Variants in STK39 observed in about 807,000 individuals in gnomAD.
The protein encoded by STK39 is serine/threonine kinase 39, also known as STE20/SPS1-related proline-alanine-rich protein kinase.
Under a neutral mutation model 77.8 loss-of-function variants are expected in STK39, and 20 were observed. The observed-to-expected ratio is 0.26, with a 90% CI of 0.18 to 0.37. The LOEUF (loss-of-function observed/expected upper bound fraction) is 0.37, where lower values mean the gene tolerates loss of function less well. Ranked by LOEUF, STK39 falls within the 10% of genes least tolerant of loss-of-function variation. The pLI is 1.00. For missense variants in STK39, 479 were observed against 656.5 expected (o/e 0.73, Z 2.95); for synonymous variants, 246 against 234.1 (o/e 1.05, Z -0.47).
intron 14 of STK39, among the ~76,000 whole-genome samples, chr2:168,045,366 C>T (rs1166863636): frequency 6.6e-6 from 1 of 152,036 alleles, no homozygotes; most frequent in African/African-American, 2.4e-5. Flanking sequence ...ACCCCCACAC[C>T]CCCTGCAGCA....
At chr2:167,983,437 A>AGGCTG (rs1473965303) in intron 16 of STK39, among the ~76,000 whole-genome samples, 13 of 144,912 alleles carry the variant, frequency 9.0e-5, no homozygotes, top group African/African-American at 2.6e-4. Context: ...CTGCGCAACA[A>AGGCTG]GAGTGAAACT....
chr2:168,134,551 A>T (rs1682558270), intron 8 of STK39, among the ~76,000 whole-genome samples: 1 of 151,332 alleles, frequency 6.6e-6, no homozygotes, highest in African/African-American at 2.4e-5. Context: ...TACAGTTGCT[A>T]GCCATACAAA....
At chr2:168,234,682 CTGAAA>C (rs1354070262) in intron 1 of STK39, among the ~76,000 whole-genome samples, 1 of 152,156 alleles carries the variant, frequency 6.6e-6, no homozygotes, top group African/African-American at 2.4e-5. Flanking sequence ...AAGGTGATGG[CTGAAA>C]TGAAGACATT....
chr2:167,983,406 A>G (rs1211013405), intron 16 of STK39, among the ~76,000 whole-genome samples: 1 of 143,344 alleles, frequency 7.0e-6, no homozygotes, highest in Non-Finnish European at 1.5e-5. Context: ...TTGAACCCAG[A>G]TTGCGCCGTT....
At chr2:168,163,963 T>A (rs1031397207) in intron 3 of STK39, 83 bp from the exon 4 acceptor site, 2 of 1,497,914 alleles carry the variant, frequency 1.3e-6, no homozygotes, top group African/African-American at 1.4e-5. Flanking sequence ...TAAAATTTAA[T>A]AGAAACATCA....
chr2:168,176,953 T>C (rs1020134473), intron 2 of STK39, among the ~76,000 whole-genome samples: 2 of 152,182 alleles, frequency 1.3e-5, no homozygotes, highest in African/African-American at 2.4e-5. Context: ...CATAGATTCA[T>C]AGCACTTGGG....
chr2:168,184,107 A>G (rs1045438585), intron 1 of STK39, among the ~76,000 whole-genome samples: 1 of 152,230 alleles, frequency 6.6e-6, no homozygotes, highest in Admixed American at 6.5e-5. Flanking sequence ...AGGAGTTTCA[A>G]AAACAGGAAA....
chr2:168,136,026 T>G (rs2105520224), intron 8 of STK39, among the ~76,000 whole-genome samples: 1 of 151,924 alleles, frequency 6.6e-6, no homozygotes, highest in African/African-American at 2.4e-5. Flanking sequence ...AACCTGATAT[T>G]TAAGCTCATA....
intron 1 of STK39, among the ~76,000 whole-genome samples, chr2:168,242,675 G>A (rs1690799777): frequency 6.8e-6 from 1 of 148,104 alleles, no homozygotes; most frequent in Non-Finnish European, 1.5e-5. Context: ...CTGAGCGGAG[G>A]AGTTCAAGAG....
intron 10 of STK39, among the ~76,000 whole-genome samples, chr2:168,114,423 A>T (rs2105475933): frequency 6.6e-6 from 1 of 152,320 alleles, no homozygotes; most frequent in African/African-American, 2.4e-5. Flanking sequence ...AAGGCAAAAA[A>T]AGCATTTTTA....
chr2:168,062,827 T>C (rs1391891899), intron 14 of STK39, among the ~76,000 whole-genome samples: 1 of 152,220 alleles, frequency 6.6e-6, no homozygotes, highest in African/African-American at 2.4e-5. Flanking sequence ...ATAGAACTGG[T>C]AAACTAAGCT....
At chr2:168,061,175 G>A (rs891119529) in intron 14 of STK39, among the ~76,000 whole-genome samples, 1 of 151,516 alleles carries the variant, frequency 6.6e-6, no homozygotes, top group Non-Finnish European at 1.5e-5. Context: ...TGTCACCCAT[G>A]TGCATGGATA....
intron 1 of STK39, among the ~76,000 whole-genome samples, chr2:168,225,146 C>T (rs1173548300): frequency 2.0e-5 from 3 of 152,094 alleles, no homozygotes; most frequent in East Asian, 3.9e-4. Context: ...TAATAGTGAC[C>T]CTGAAGAGGA....
chr2:168,159,892 T>C (rs1429374496), intron 5 of STK39, among the ~76,000 whole-genome samples: 1 of 152,208 alleles, frequency 6.6e-6, no homozygotes, highest in African/African-American at 2.4e-5. Context: ...ACACCTACCC[T>C]GTGCAGGGGC....
At chr2:168,151,828 A>C (rs1294100306) in intron 5 of STK39, among the ~76,000 whole-genome samples, 2 of 152,162 alleles carry the variant, frequency 1.3e-5, no homozygotes, top group African/African-American at 4.8e-5. Context: ...TCTCTCAATC[A>C]AGACACCACA....
intron 16 of STK39, among the ~76,000 whole-genome samples, chr2:167,971,518 T>G (rs1256525052): frequency 2.0e-5 from 3 of 152,196 alleles, no homozygotes; most frequent in Admixed American, 2.0e-4. Flanking sequence ...AAAGCCAATA[T>G]TTTAGGTAAA....
intron 10 of STK39, among the ~76,000 whole-genome samples, chr2:168,126,525 G>A (rs971962596): frequency 6.6e-6 from 1 of 152,174 alleles, no homozygotes; most frequent in African/African-American, 2.4e-5. Flanking sequence ...GGATGATCAT[G>A]GTTGTTTATC....
chr2:168,182,269 G>C (rs1689099614), intron 1 of STK39, among the ~76,000 whole-genome samples, 179 bp from the exon 2 acceptor site: 1 of 147,574 alleles, frequency 6.8e-6, no homozygotes, highest in Admixed American at 6.7e-5. Flanking sequence ...ATCTGGAGGA[G>C]AAAAAAAAAA....
intron 1 of STK39, among the ~76,000 whole-genome samples, chr2:168,189,607 G>A (rs897118558): frequency 2.6e-5 from 4 of 152,114 alleles, no homozygotes; most frequent in Non-Finnish European, 5.9e-5. Context: ...GTGAGATAAG[G>A]AGCTAAAAAA....
Sources: allele counts gnomAD v4.1 joint callset (sites outside exome capture counted in the v4.1 genomes callset), GRCh38; gene constraint gnomAD v4.1.1; transcripts MANE v1.5; gene names NCBI Gene and HGNC (gene_info 2026-07-23, HGNC 2026-07-21).